The following LRRTM4 variants were observed in gnomAD, a reference collection of about 807,000 sequenced individuals.
LRRTM4 encodes the protein leucine rich repeat transmembrane neuronal 4, also known as leucine-rich repeat transmembrane neuronal protein 4.
A neutral mutation model predicts 47.6 loss-of-function variants in LRRTM4; 25 were observed. The ratio of observed to expected loss-of-function variants is 0.53; its 90% CI spans 0.38 to 0.73. The LOEUF is 0.73. Among genes scored for constraint, LRRTM4 ranks in the 30% least tolerant of loss-of-function variants. The pLI is 0.00. For missense variants in LRRTM4, 638 were observed against 713.4 expected, an observed-to-expected ratio of 0.89 and a Z score of 1.20; for synonymous variants, 311 against 269.5, an observed-to-expected ratio of 1.15 and a Z score of -1.51.
intron 3 of LRRTM4, among the ~76,000 whole-genome samples, chr2:76,919,897 G>C (rs1431604321): frequency 6.6e-6 from 1 of 152,142 alleles, no homozygotes; most frequent in East Asian, 1.9e-4. Flanking sequence ...ACTTTAAACA[G>C]ATGCAACAGC....
chr2:77,109,121 G>A (rs893558764), intron 3 of LRRTM4, among the ~76,000 whole-genome samples: 1 of 152,122 alleles, frequency 6.6e-6, no homozygotes, highest in Non-Finnish European at 1.5e-5. Context: ...AATACACATT[G>A]ACACTTTATT....
At chr2:76,966,795 G>C (rs971292471) in intron 3 of LRRTM4, among the ~76,000 whole-genome samples, 6 of 151,346 alleles carry the variant, frequency 4.0e-5, no homozygotes, top group Non-Finnish European at 5.9e-5. Context: ...GGTTGACACT[G>C]CCAATTAACC....
chr2:76,789,686 ACT>A (rs756769068), intron 3 of LRRTM4, among the ~76,000 whole-genome samples: 2 of 151,970 alleles, frequency 1.3e-5, no homozygotes, highest in Admixed American at 6.6e-5. Flanking sequence ...TCATGGAAAG[ACT>A]CTGTATCATG....
rs184880052 is a variant in LRRTM4 at position 77,224,622 on chromosome 2, C to T, written c.1551+293696G>A. Among the ~76,000 whole-genome samples the T allele has an allele frequency of 3.4e-3, 519 of 152,318 alleles. 3 individuals carry two copies. Among genetic ancestry groups the T allele is most frequent in the African/African-American group, 0.012 (489 of 41,580 alleles). ...AAACACATAAAAAAATGCTCATCATCACTGGCGGTCAGAGAAATGCAAATC... is the reference window on the plus strand; with the variant it reads ...AAACACATAAAAAAATGCTCATCATTACTGGCGGTCAGAGAAATGCAAATC... On this transcript the variant is annotated intron_variant, in intron 3 of 3. Coordinates refer to ENST00000409884, the MANE Select transcript of LRRTM4 (RefSeq NM_001134745.3).
chr2:77,298,357 C>G (rs1677031905), intron 3 of LRRTM4, among the ~76,000 whole-genome samples: 1 of 152,166 alleles, frequency 6.6e-6, no homozygotes. Flanking sequence ...CTGCCTCAGC[C>G]TCCCGAGTAG....
intron 3 of LRRTM4, among the ~76,000 whole-genome samples, chr2:77,015,113 T>C (rs1678012262): frequency 6.6e-6 from 1 of 151,998 alleles, no homozygotes. Flanking sequence ...GGGATGAGGA[T>C]TGCCTGATGA....
At chr2:77,142,043 C>T (rs918336722) in intron 3 of LRRTM4, among the ~76,000 whole-genome samples, 1 of 152,110 alleles carries the variant, frequency 6.6e-6, no homozygotes, top group African/African-American at 2.4e-5. Flanking sequence ...TCTTTAGTTA[C>T]CAACAGATTG....
rs538433993 is a variant in LRRTM4, at chr2:77,194,818, C to A, written c.1551+323500G>T. 1.3e-4 allele frequency among the ~76,000 whole-genome samples: 19 copies of A among 151,920 alleles called. No homozygotes were observed. The East Asian group carries it at 3.5e-3, about 28-fold the overall frequency. On this transcript the variant is annotated intron_variant, in intron 3 of 3. Coordinates refer to ENST00000409884, the MANE Select transcript of LRRTM4 (RefSeq NM_001134745.3). ...TGGGGGCTGTGATGACACCAAGTTA[C>A]CACAGACAATAACCCAATATCATAT...
chr2:76,821,599 T>A (rs776914894), intron 3 of LRRTM4, among the ~76,000 whole-genome samples: 3 of 151,566 alleles, frequency 2.0e-5, no homozygotes, highest in Non-Finnish European at 4.4e-5. Flanking sequence ...CAGGGTAAAA[T>A]AAAAATAACC....
intron 3 of LRRTM4, among the ~76,000 whole-genome samples, chr2:76,754,636 T>C (rs1573053089): frequency 6.6e-6 from 1 of 152,176 alleles, no homozygotes; most frequent in African/African-American, 2.4e-5. Flanking sequence ...ATTCCACTTA[T>C]GGTAGATTAC....
At chr2:77,389,296 A>C (rs949012060) in intron 3 of LRRTM4, among the ~76,000 whole-genome samples, 7 of 152,244 alleles carry the variant, frequency 4.6e-5, no homozygotes, top group African/African-American at 1.7e-4. Context: ...TTGTTTCAAA[A>C]AGAAATTTGT....
chr2:77,312,072 C>T (rs1448100713), intron 3 of LRRTM4, among the ~76,000 whole-genome samples: 1 of 152,130 alleles, frequency 6.6e-6, no homozygotes. Context: ...ACACCCCCAC[C>T]TTGGACCCAT....
intron 3 of LRRTM4, among the ~76,000 whole-genome samples, chr2:77,380,191 T>C (rs10169331): frequency 0.03 from 4,557 of 152,246 alleles, 85 homozygotes; most frequent in South Asian, 0.07. Context: ...AAATATACTA[T>C]TTGCATATTA....
At chr2:77,078,749 T>A (rs1680432541) in intron 3 of LRRTM4, among the ~76,000 whole-genome samples, 1 of 152,192 alleles carries the variant, frequency 6.6e-6, no homozygotes, top group African/African-American at 2.4e-5. Context: ...CTGTTAAAAT[T>A]GCCTTTTCAT....
chr2:77,486,471 A>G (rs1677914386), intron 3 of LRRTM4, among the ~76,000 whole-genome samples: 1 of 152,192 alleles, frequency 6.6e-6, no homozygotes, highest in East Asian at 1.9e-4. Context: ...TTGCACACAT[A>G]TTAAGAAAAC....
At chr2:77,121,577 T>C (rs1315541440) in intron 3 of LRRTM4, among the ~76,000 whole-genome samples, 1 of 151,822 alleles carries the variant, frequency 6.6e-6, no homozygotes. Context: ...ATGAAATATA[T>C]AAAACTGAAA....
intron 3 of LRRTM4, among the ~76,000 whole-genome samples, chr2:77,079,443 T>C (rs536481494): frequency 6.6e-6 from 1 of 152,292 alleles, no homozygotes; most frequent in Non-Finnish European, 1.5e-5. Flanking sequence ...GACAGAAACC[T>C]TATACAAGCT....
intron 3 of LRRTM4, among the ~76,000 whole-genome samples, chr2:77,398,135 T>G (rs1456254054): frequency 6.6e-6 from 1 of 151,886 alleles, no homozygotes; most frequent in African/African-American, 2.4e-5. Flanking sequence ...ATTATTCCAG[T>G]GCAAATAATT....
At chr2:77,073,272 C>G (rs1197029982) in intron 3 of LRRTM4, among the ~76,000 whole-genome samples, 1 of 151,660 alleles carries the variant, frequency 6.6e-6, no homozygotes, top group South Asian at 2.1e-4. Context: ...TAAAATATTA[C>G]TTTAGAATTC....
Sources: gnomAD v4.1 joint callset for allele counts (sites outside exome capture counted in the v4.1 genomes callset) on GRCh38, gnomAD v4.1.1 for gene constraint, MANE v1.5 for transcripts, NCBI Gene and HGNC (gene_info 2026-07-23, HGNC 2026-07-21) for gene names.